Variants in ZSCAN30 observed in about 807,000 individuals in gnomAD.
ZSCAN30 encodes zinc finger and SCAN domain-containing protein 30.
Under a neutral mutation model 44.3 loss-of-function variants are expected in ZSCAN30, and 37 were observed. That is an observed-to-expected ratio of 0.84 (90% CI 0.64 to 1.10). The LOEUF is 1.10. Ranked by LOEUF, ZSCAN30 falls within the 50% of genes least tolerant of loss-of-function variation. The pLI is 0.00. For synonymous variants in ZSCAN30, 181 were observed against 204.6 expected (o/e 0.88, Z 0.98); for missense variants, 549 against 582.6 (o/e 0.94, Z 0.59).
intron 3 of ZSCAN30, chr18:35,256,248 GAA>G (rs1021429124): frequency 5.3e-5 from 8 of 152,180 alleles, no homozygotes; most frequent in African/African-American, 1.9e-4. Context: ...GTAATTCTTA[GAA>G]AAGACAAATA....
chr18:35,270,068 C>T (rs2044239892), intron 1 of ZSCAN30: 1 of 152,098 alleles, frequency 6.6e-6, no homozygotes, highest in Admixed American at 6.6e-5. Flanking sequence ...TTAGCAACTT[C>T]ATCAATAATA....
chr18:35,276,566 G>A (rs1159884762), intron 1 of ZSCAN30, among the ~76,000 whole-genome samples: 1 of 152,190 alleles, frequency 6.6e-6, no homozygotes, highest in African/African-American at 2.4e-5. Context: ...TCGGGCTGTG[G>A]GTTTAGAGAG....
intron 1 of ZSCAN30, among the ~76,000 whole-genome samples, chr18:35,275,355 C>A (rs909461765): frequency 1.3e-4 from 20 of 152,180 alleles, no homozygotes; most frequent in Non-Finnish European, 1.9e-4. Context: ...TATTGCTTAT[C>A]AATCTTATGT....
intron 3 of ZSCAN30, 193 bp from the exon 4 acceptor site, chr18:35,254,574 G>C (rs1281486614): frequency 1.1e-6 from 1 of 936,846 alleles, no homozygotes; most frequent in East Asian, 2.7e-5. Flanking sequence ...GAGTAAGGTA[G>C]ACAAAGAAAT....
intron 1 of ZSCAN30, among the ~76,000 whole-genome samples, chr18:35,286,882 G>C (rs1349312831): frequency 1.3e-5 from 2 of 152,088 alleles, no homozygotes; most frequent in Admixed American, 1.3e-4. Flanking sequence ...AGATTGGAAA[G>C]GAAGGAGTAA....
chr18:35,257,294 C>T (rs959683308), intron 3 of ZSCAN30: 4 of 152,774 alleles, frequency 2.6e-5, no homozygotes, highest in Admixed American at 2.6e-4. Flanking sequence ...TTCCCCTTTA[C>T]CAATATGATG....
chr18:35,272,753 G>C (rs1182798666), intron 1 of ZSCAN30, among the ~76,000 whole-genome samples: 1 of 152,188 alleles, frequency 6.6e-6, no homozygotes, highest in African/African-American at 2.4e-5. Flanking sequence ...TGCTGATAAA[G>C]ACGTGCCCAA....
intron 1 of ZSCAN30, among the ~76,000 whole-genome samples, chr18:35,271,033 G>T (rs768281797): frequency 4.1e-4 from 63 of 152,328 alleles, no homozygotes; most frequent in Non-Finnish European, 7.8e-4. Flanking sequence ...GGTCTTGCTA[G>T]CCTCAGGAGT....
intron 2 of ZSCAN30, 144 bp from the exon 3 acceptor site, chr18:35,263,801 C>T (rs2143701618): frequency 1.4e-6 from 2 of 1,391,226 alleles, no homozygotes; most frequent in East Asian, 2.3e-5. Flanking sequence ...GCCCTAGTGA[C>T]TTGAACCCAA....
rs564843761 is a variant in ZSCAN30, at chr18:35,258,081, CAT to C, written c.554-3702_554-3701del. The stretch of plus-strand genomic sequence containing the variant: ...AAAATGGCATGGTGACTCTTACAAT[CAT>C]ATCACAGTGGGCCTCTCCAACAATT... On this transcript the variant is annotated intron_variant, in intron 3 of 3. Transcript: ENST00000333206. The C allele has an allele frequency of 9.7e-4, 725 of 749,732 alleles. 2 individuals are homozygous for C. Among genetic ancestry groups the C allele is most frequent in the Admixed American group, 1.6e-3 (94 of 57,140 alleles). 46.4% of individuals were successfully genotyped at this position (749,732 alleles called of 1,614,324 possible). A position where few individuals can be genotyped will look rare whatever the true frequency, so the allele number is the denominator to read the frequency against.
chr18:35,284,945 A>AGCAGCCATGACTTGGGCAGCT (rs2044525031), intron 1 of ZSCAN30: 1 of 154,984 alleles, frequency 6.5e-6, no homozygotes. Context: ...AGGCTCAGCC[A>AGCAGCCATGACTTGGGCAGCT]GCAGCCATGA....
chr18:35,279,002 T>C (rs915601765), intron 1 of ZSCAN30, among the ~76,000 whole-genome samples: 3 of 152,216 alleles, frequency 2.0e-5, no homozygotes, highest in Admixed American at 6.5e-5. Flanking sequence ...ACTGTCCTCT[T>C]TACTTCCTTC....
chr18:35,253,426 A>G lies in ZSCAN30; in HGVS notation c.*24T>C. On this transcript the variant is annotated 3_prime_UTR_variant, in exon 4 of 4. Coordinates refer to ENST00000333206, the MANE Select transcript of ZSCAN30 (RefSeq NM_001112734.4). ...TACAGTGAACTCCTTGCATTTCACA[A>G]TTGTACAACTCTTACCCACAGAGTT... The G allele has an allele frequency of 6.6e-7, 1 of 1,526,394 alleles. No homozygotes were observed. The highest frequency in any genetic ancestry group is 8.8e-7 in the Non-Finnish European group (1 of 1,137,064). The allele number at this position is 1,526,394 out of a possible 1,614,324, so 94.6% of individuals were successfully genotyped here. A position where few individuals can be genotyped will look rare whatever the true frequency, so the allele number is the denominator to read the frequency against.
At chr18:35,263,107 G>A (rs1404844161) in intron 3 of ZSCAN30, 4 of 331,492 alleles carry the variant, frequency 1.2e-5, no homozygotes, top group Non-Finnish European at 2.3e-5. Flanking sequence ...CAGGCATGGT[G>A]GTGTACAACT....
intron 1 of ZSCAN30, among the ~76,000 whole-genome samples, chr18:35,271,154 G>A (rs1014972190): frequency 1.3e-5 from 2 of 152,136 alleles, no homozygotes; most frequent in Non-Finnish European, 2.9e-5. Context: ...TCCGCACTGT[G>A]GAAAAGGACC....
rs764317734 is a variant in ZSCAN30 at position 35,253,977 on chromosome 18, G to C, written c.958C>G (p.Gln320Glu). ...GGTCTCTCTCCAGTATGAATTCTCT[G>C]ATGTCTAATCAGCTTTGAGCTCTGG... ...FCQSSKLIRHQRIHTGERPYA... is the reference protein window; with the variant it reads ...FCQSSKLIRHERIHTGERPYA... The change falls in exon 4 of 4, where the codon CAG becomes GAG. Residue 320 changes from glutamine (Q) to glutamate (E), a missense_variant. By Grantham distance (29) the Gln-to-Glu change is conservative. Transcript: ENST00000333206. The C allele has an allele frequency of 6.2e-7, 1 of 1,614,112 alleles. No homozygotes were observed. The highest frequency in any genetic ancestry group is 8.5e-7 in the Non-Finnish European group (1 of 1,180,006).
intron 1 of ZSCAN30, among the ~76,000 whole-genome samples, chr18:35,271,920 G>A (rs1445302906): frequency 2.6e-5 from 4 of 152,074 alleles, no homozygotes; most frequent in East Asian, 3.9e-4. Flanking sequence ...TGGGGCCGGC[G>A]GCGCTGGCCG....
At position 35,252,773 on chromosome 18, in the gene ZSCAN30, A is replaced by G. The variant is rs1569055614; in HGVS notation, c.*677T>C. 2.0e-5 allele frequency: 3 copies of G among 152,280 alleles called. No individual in the cohort carries two copies. Among genetic ancestry groups the G allele is most frequent in the Admixed American group, 6.5e-5 (1 of 15,280 alleles). The allele number at this position is 152,280 out of a possible 1,614,324, so 9.4% of individuals were successfully genotyped here. The stretch of plus-strand genomic sequence containing the variant: ...ACTGTTTAGTATATATGCATATCCT[A>G]TTAGCCCTTAACTCTGGGAGGGCAA... On this transcript the variant is annotated 3_prime_UTR_variant, in exon 4 of 4. Coordinates refer to ENST00000333206, the MANE Select transcript of ZSCAN30 (RefSeq NM_001112734.4).
intron 1 of ZSCAN30, chr18:35,268,542 G>A (rs998069906): frequency 2.6e-5 from 4 of 152,158 alleles, no homozygotes; most frequent in African/African-American, 9.7e-5. Flanking sequence ...CTTAGGGAGC[G>A]CCCAGATGGT....
Sources: gnomAD v4.1 joint callset for allele counts (sites outside exome capture counted in the v4.1 genomes callset) on GRCh38, gnomAD v4.1.1 for gene constraint, MANE v1.5 for transcripts, NCBI Gene and HGNC (gene_info 2026-07-23, HGNC 2026-07-21) for gene names.